Variants in DCAF8 observed in about 807,000 individuals in gnomAD.
DCAF8 encodes DDB1- and CUL4-associated factor 8.
DCAF8 carries 20 observed loss-of-function variants against 68.0 expected under a neutral mutation model. That is an observed-to-expected ratio of 0.29 (90% CI 0.21 to 0.43). The LOEUF (loss-of-function observed/expected upper bound fraction) is 0.43, where lower values mean the gene tolerates loss of function less well. DCAF8 is among the 20% of genes least tolerant of loss of function. DCAF8 has a pLI of 1.00. For missense variants in DCAF8, 460 were observed against 771.0 expected, an observed-to-expected ratio of 0.60 and a Z score of 4.78; for synonymous variants, 230 against 276.9, an observed-to-expected ratio of 0.83 and a Z score of 1.68.
chr1:160,225,889 G>A (rs1426755822), intron 7 of DCAF8, among the ~76,000 whole-genome samples: 1 of 152,048 alleles, frequency 6.6e-6, no homozygotes, highest in African/African-American at 2.4e-5. Flanking sequence ...TGTCACCCAG[G>A]CTGTAGTGCA....
At chr1:160,225,522 A>C in intron 8 of DCAF8, 69 bp downstream of exon 8, 1 of 1,270,560 alleles carries the variant, frequency 7.9e-7, no homozygotes, top group Non-Finnish European at 1.1e-6. Flanking sequence ...CACCATACCA[A>C]CAAGTTCAGG....
chr1:160,231,417 T>C lies in DCAF8; in HGVS notation c.960-10A>G, dbSNP rs780884914. 1.2e-5 allele frequency: 20 copies of C among 1,605,374 alleles called. No homozygotes were observed. Among genetic ancestry groups the C allele is most frequent in the Non-Finnish European group, 1.5e-5 (18 of 1,172,220 alleles). Reference sequence around the variant, plus strand: ...TGTCACCACCAGTTTCCTTTAAGAGTAGAAAAGCACAGAAAGTTATATACT... The same window carrying C: ...TGTCACCACCAGTTTCCTTTAAGAGCAGAAAAGCACAGAAAGTTATATACT... On this transcript the variant is annotated splice_polypyrimidine_tract_variant and intron_variant, in intron 6 of 13. Transcript: ENST00000368074.
intron 11 of DCAF8, 134 bp from the exon 12 acceptor site, chr1:160,219,102 T>A: frequency 7.7e-7 from 1 of 1,292,244 alleles, no homozygotes; most frequent in Non-Finnish European, 1.1e-6. Context: ...GGCCCACCCA[T>A]CCTGAGCCTA....
intron 2 of DCAF8, among the ~76,000 whole-genome samples, chr1:160,255,001 A>C (rs1229853106): frequency 6.6e-6 from 1 of 152,184 alleles, no homozygotes; most frequent in Non-Finnish European, 1.5e-5. Context: ...TGTACATAGT[A>C]GCCATTTATA....
chr1:160,235,236 C>G (rs924420232), intron 6 of DCAF8, among the ~76,000 whole-genome samples: 1 of 151,862 alleles, frequency 6.6e-6, no homozygotes. Context: ...TGGGCTCAAG[C>G]GATTCTCCTG....
At chr1:160,259,418 A>T (rs1348096092) in intron 2 of DCAF8, among the ~76,000 whole-genome samples, 1 of 152,130 alleles carries the variant, frequency 6.6e-6, no homozygotes, top group Non-Finnish European at 1.5e-5. Context: ...CTGTAATCCC[A>T]GCTACTCGGG....
intron 2 of DCAF8, among the ~76,000 whole-genome samples, chr1:160,250,823 C>T (rs1656559074): frequency 6.6e-6 from 1 of 152,120 alleles, no homozygotes; most frequent in East Asian, 1.9e-4. Context: ...TGTGGTTGTA[C>T]TATTAATTTG....
chr1:160,237,729 G>A (rs1378210797), intron 5 of DCAF8, among the ~76,000 whole-genome samples: 1 of 151,368 alleles, frequency 6.6e-6, no homozygotes, highest in Non-Finnish European at 1.5e-5. Flanking sequence ...TTCCACAGAT[G>A]GGGTCTTGCT....
At chr1:160,225,173 A>G (rs925302689) in intron 8 of DCAF8, 54 bp from the exon 9 acceptor site, 19 of 1,546,846 alleles carry the variant, frequency 1.2e-5, no homozygotes, top group Non-Finnish European at 1.7e-5. Flanking sequence ...TTGTTATACC[A>G]TCTTCAGGAA....
chr1:160,237,629 T>G (rs1655941312), intron 5 of DCAF8, among the ~76,000 whole-genome samples: 1 of 152,142 alleles, frequency 6.6e-6, no homozygotes, highest in African/African-American at 2.4e-5. Flanking sequence ...TGGGCTTAAG[T>G]GATCCTCCCA....
intron 10 of DCAF8, 146 bp from the exon 11 acceptor site, chr1:160,222,927 C>T (rs1420399181): frequency 7.4e-6 from 9 of 1,209,954 alleles, no homozygotes. Flanking sequence ...TCACACCAGT[C>T]CCAAGAGATG....
At chr1:160,230,340 T>C (rs1028390288) in intron 7 of DCAF8, among the ~76,000 whole-genome samples, 1 of 152,166 alleles carries the variant, frequency 6.6e-6, no homozygotes, top group African/African-American at 2.4e-5. Context: ...TTCAAACTGA[T>C]GAGCCCAAAG....
At chr1:160,254,570 G>A (rs1656749074) in intron 2 of DCAF8, among the ~76,000 whole-genome samples, 1 of 152,014 alleles carries the variant, frequency 6.6e-6, no homozygotes, top group Admixed American at 6.5e-5. Context: ...GGGCCGGGTG[G>A]ATCACGAGGT....
chr1:160,240,432 C>T, intron 3 of DCAF8, 62 bp from the exon 4 acceptor site: 2 of 1,462,652 alleles, frequency 1.4e-6, no homozygotes, highest in South Asian at 1.3e-5. Flanking sequence ...ATAGTGACCA[C>T]CTTAGTCTAA....
chr1:160,217,908 C>T, intron 13 of DCAF8, 200 bp from the exon 14 acceptor site: 1 of 549,144 alleles, frequency 1.8e-6, no homozygotes. Context: ...AAGGCCGCCA[C>T]AGACAATACA....
At chr1:160,240,456 CAA>C in intron 3 of DCAF8, 86 bp from the exon 4 acceptor site, 1 of 1,305,220 alleles carries the variant, frequency 7.7e-7, no homozygotes, top group South Asian at 1.5e-5. Context: ...ATCTTCACAT[CAA>C]AAGACCAAAA....
chr1:160,245,255 G>A (rs1656272836), intron 2 of DCAF8, among the ~76,000 whole-genome samples: 1 of 152,098 alleles, frequency 6.6e-6, no homozygotes, highest in Admixed American at 6.6e-5. Context: ...GCCACCTCCA[G>A]TAAATTCCAA....
At chr1:160,256,514 C>A (rs1006237759) in intron 2 of DCAF8, among the ~76,000 whole-genome samples, 6 of 151,966 alleles carry the variant, frequency 3.9e-5, no homozygotes, top group African/African-American at 1.5e-4. Context: ...AATACAGTAA[C>A]TTGACTACCA....
chr1:160,243,836 C>T, intron 3 of DCAF8, 124 bp downstream of exon 3: 3 of 914,996 alleles, frequency 3.3e-6, no homozygotes, highest in Non-Finnish European at 5.2e-6. Context: ...GTTTCCTAAA[C>T]TCAGAACAAC....
Sources: allele counts gnomAD v4.1 joint callset (sites outside exome capture counted in the v4.1 genomes callset), GRCh38; gene constraint gnomAD v4.1.1; transcripts MANE v1.5; gene names NCBI Gene and HGNC (gene_info 2026-07-23, HGNC 2026-07-21).